The following LRRC7 variants were observed in gnomAD, a reference collection of about 807,000 sequenced individuals.
LRRC7 encodes the protein leucine-rich repeat-containing protein 7.
Under a neutral mutation model 175.7 loss-of-function variants are expected in LRRC7, and 23 were observed. The ratio of observed to expected loss-of-function variants is 0.13; its 90% confidence interval spans 0.09 to 0.19. The LOEUF (loss-of-function observed/expected upper bound fraction) is 0.19, where lower values mean the gene tolerates loss of function less well. Ranked by LOEUF, LRRC7 falls within the 10% of genes least tolerant of loss-of-function variation. The probability of loss-of-function intolerance (pLI) is 1.00; values close to 1 mark genes in which losing one functional copy is unlikely to be tolerated. For missense variants in LRRC7, 1,354 were observed against 1,904.7 expected, an observed-to-expected ratio of 0.71 and a Z score of 5.38; for synonymous variants, 685 against 680.9, an observed-to-expected ratio of 1.01 and a Z score of -0.09.
chr1:69,649,962 T>G (rs747162142), intron 1 of LRRC7, among the ~76,000 whole-genome samples: 1 of 152,094 alleles, frequency 6.6e-6, no homozygotes, highest in Non-Finnish European at 1.5e-5. Flanking sequence ...GAATACTTTA[T>G]GGATGATGAC....
chr1:69,716,742 A>G (rs2100753336), intron 2 of LRRC7, among the ~76,000 whole-genome samples: 1 of 152,000 alleles, frequency 6.6e-6, no homozygotes, highest in African/African-American at 2.4e-5. Flanking sequence ...ATTTCCTGAC[A>G]TTTTCAAGAA....
intron 10 of LRRC7, among the ~76,000 whole-genome samples, 170 bp from the exon 11 acceptor site, chr1:69,994,391 G>C (rs1353462720): frequency 6.6e-6 from 1 of 152,080 alleles, no homozygotes; most frequent in Non-Finnish European, 1.5e-5. Context: ...GCAACTAGAA[G>C]GTCAAAATTA....
intron 1 of LRRC7, among the ~76,000 whole-genome samples, chr1:69,658,022 A>G (rs1398956309): frequency 7.2e-5 from 11 of 151,904 alleles, no homozygotes; most frequent in African/African-American, 2.7e-4. Context: ...TACCCATAGA[A>G]TCAGCATTTA....
chr1:69,869,543 G>A (rs767153405), intron 7 of LRRC7, among the ~76,000 whole-genome samples: 5 of 152,166 alleles, frequency 3.3e-5, no homozygotes, highest in Non-Finnish European at 7.4e-5. Context: ...TGGGCTGGAA[G>A]TCTAGATTTT....
intron 7 of LRRC7, among the ~76,000 whole-genome samples, chr1:69,890,888 C>A (rs568231049): frequency 6.6e-6 from 1 of 152,326 alleles, no homozygotes; most frequent in South Asian, 2.1e-4. Context: ...AGCTTCCTTA[C>A]TTTTCTCAGT....
chr1:69,729,677 G>C (rs1019128325), intron 2 of LRRC7, among the ~76,000 whole-genome samples: 1 of 152,158 alleles, frequency 6.6e-6, no homozygotes, highest in Admixed American at 6.5e-5. Context: ...TTTATGGGCT[G>C]GCATTCGGTG....
At chr1:69,877,991 A>G (rs4623650) in intron 7 of LRRC7, among the ~76,000 whole-genome samples, 77,972 of 151,896 alleles carry the variant, frequency 0.51, 20,363 homozygotes, top group East Asian at 0.71. Flanking sequence ...TTGAGGGACC[A>G]AGATAGGACA....
At chr1:70,098,032 G>A (rs895079928) in intron 25 of LRRC7, among the ~76,000 whole-genome samples, 24 of 151,482 alleles carry the variant, frequency 1.6e-4, no homozygotes, top group African/African-American at 4.8e-4. Flanking sequence ...CTGAGGAATC[G>A]CCACACTGAC....
chr1:69,580,194 A>G (rs1646137968), intron 1 of LRRC7, among the ~76,000 whole-genome samples: 1 of 152,172 alleles, frequency 6.6e-6, no homozygotes, highest in Admixed American at 6.5e-5. Flanking sequence ...TTTCAAAGAC[A>G]AAGGGTAAGT....
chr1:69,940,409 A>C (rs533200567), intron 8 of LRRC7, among the ~76,000 whole-genome samples: 10 of 152,206 alleles, frequency 6.6e-5, no homozygotes, highest in Middle Eastern at 3.4e-3. Context: ...AATGAAATTA[A>C]TTAGCTCGGT....
chr1:69,574,136 A>T (rs1327120494), intron 1 of LRRC7, among the ~76,000 whole-genome samples: 1 of 152,124 alleles, frequency 6.6e-6, no homozygotes, highest in African/African-American at 2.4e-5. Flanking sequence ...TGAGGGAGAT[A>T]TTTAAATGTT....
intron 2 of LRRC7, among the ~76,000 whole-genome samples, chr1:69,751,480 A>C (rs1196044498): frequency 6.7e-6 from 1 of 149,984 alleles, no homozygotes; most frequent in Admixed American, 6.6e-5. Flanking sequence ...AAAAAAGGAA[A>C]GAAGGAAAAG....
Position 69,986,367 on chromosome 1 carries a change from A to G in LRRC7, c.912A>G (p.Gln304=). Reference sequence around the variant, plus strand: ...TCTTATTGTCATCCAATATGTTGCAACAATTGCCTGATTCTATAGGTGAGA... The same window carrying G: ...TCTTATTGTCATCCAATATGTTGCAGCAATTGCCTGATTCTATAGGTGAGA... ...EDLLLSSNML[Q]QLPDSIGLLK... is the part of the protein sequence containing the mutation. Residue 304 remains glutamine, a synonymous_variant, in exon 10 of 27, where the codon CAA becomes CAG. Transcript: ENST00000651989. The G allele has an allele frequency of 1.2e-6, 2 of 1,613,006 alleles. No individual in the cohort carries two copies. The highest frequency in any genetic ancestry group is 2.2e-5 in the South Asian group (2 of 91,002).
chr1:69,775,905 A>C (rs943062441), intron 3 of LRRC7, among the ~76,000 whole-genome samples: 2 of 152,202 alleles, frequency 1.3e-5, no homozygotes, highest in East Asian at 3.8e-4. Flanking sequence ...AATGATGGGA[A>C]AGAAAAGAAG....
At position 70,053,100 on chromosome 1, in the gene LRRC7, T is replaced by C; in HGVS notation, c.4185T>C (p.Tyr1395=). Residue 1395 remains tyrosine, a synonymous_variant, in exon 23 of 27, where the codon TAT becomes TAC. Coordinates refer to ENST00000651989, the MANE Select transcript of LRRC7 (RefSeq NM_001370785.2). ...CTCCTAGTGGCCAATGGAATCCTTA[T>C]CCACTTGGGAGGCGGGATGTACCTC... The part of the protein sequence containing the change: ...DVSPSGQWNP[Y]PLGRRDVPPD... 1 of 1,610,826 alleles carries C rather than the reference T, an allele frequency of 6.2e-7. No homozygotes were observed. Among genetic ancestry groups the C allele is most frequent in the Non-Finnish European group, 8.5e-7 (1 of 1,178,268 alleles).
At chr1:69,576,138 G>A (rs1210883459) in intron 1 of LRRC7, among the ~76,000 whole-genome samples, 4 of 150,966 alleles carry the variant, frequency 2.6e-5, no homozygotes, top group African/African-American at 9.8e-5. Flanking sequence ...AGGCTGAGGT[G>A]GGAAGATTGC....
intron 25 of LRRC7, among the ~76,000 whole-genome samples, chr1:70,102,395 C>A (rs1279540896): frequency 6.6e-6 from 1 of 152,126 alleles, no homozygotes; most frequent in Non-Finnish European, 1.5e-5. Flanking sequence ...CAAATATTGT[C>A]CTTTCAATAT....
intron 1 of LRRC7, among the ~76,000 whole-genome samples, chr1:69,597,278 C>T (rs1749523): frequency 0.82 from 124,427 of 152,050 alleles, 51,094 homozygotes; most frequent in African/African-American, 0.89. Flanking sequence ...GAATTAATCT[C>T]ATTCCACCAC....
chr1:69,815,117 G>A (rs1678432228), intron 4 of LRRC7, among the ~76,000 whole-genome samples: 1 of 152,046 alleles, frequency 6.6e-6, no homozygotes, highest in Non-Finnish European at 1.5e-5. Context: ...TGCTCTCCAG[G>A]CCTGCTGTGA....
Sources: gnomAD v4.1 joint callset for allele counts (sites outside exome capture counted in the v4.1 genomes callset) on GRCh38, gnomAD v4.1.1 for gene constraint, MANE v1.5 for transcripts, NCBI Gene and HGNC (gene_info 2026-07-23, HGNC 2026-07-21) for gene names.